The following MBNL1 variants were observed in gnomAD, a reference collection of about 807,000 sequenced individuals.
The protein encoded by MBNL1 is muscleblind-like protein 1.
Under a neutral mutation model 42.2 loss-of-function variants are expected in MBNL1, and 8 were observed. The observed-to-expected ratio is 0.19, with a 90% CI of 0.11 to 0.34. MBNL1 has a LOEUF of 0.34. Ranked by LOEUF, MBNL1 falls within the 10% of genes least tolerant of loss-of-function variation. The pLI, the probability that MBNL1 is intolerant of heterozygous loss-of-function variation, is 1.00. For synonymous variants in MBNL1, 169 were observed against 173.9 expected, an observed-to-expected ratio of 0.97 and a Z score of 0.22; for missense variants, 309 against 495.3, an observed-to-expected ratio of 0.62 and a Z score of 3.57.
intron 2 of MBNL1, among the ~76,000 whole-genome samples, chr3:152,330,035 G>A (rs943111711): frequency 2.6e-5 from 4 of 152,058 alleles, no homozygotes; most frequent in African/African-American, 9.7e-5. Flanking sequence ...ATGTTCATGT[G>A]TGTGTATGTG....
chr3:152,390,140 T>A (rs1326033274), intron 2 of MBNL1, among the ~76,000 whole-genome samples: 1 of 151,610 alleles, frequency 6.6e-6, no homozygotes, highest in African/African-American at 2.4e-5. Flanking sequence ...AGAACTTTTT[T>A]AAATTTATAA....
At chr3:152,310,621 T>C (rs1395233307) in intron 2 of MBNL1, among the ~76,000 whole-genome samples, 1 of 152,252 alleles carries the variant, frequency 6.6e-6, no homozygotes, top group Non-Finnish European at 1.5e-5. Flanking sequence ...TAAAACATGC[T>C]CATTCACATT....
chr3:152,320,293 A>G (rs932542087), intron 2 of MBNL1, among the ~76,000 whole-genome samples: 1 of 152,192 alleles, frequency 6.6e-6, no homozygotes, highest in East Asian at 1.9e-4. Flanking sequence ...TGCGGAGTCC[A>G]GCATCCTTCA....
At chr3:152,266,405 T>G (rs2037232801), upstream of MBNL1, 1 of 152,210 alleles carries the variant, frequency 6.6e-6, no homozygotes, top group Non-Finnish European at 1.5e-5. Flanking sequence ...AGTAGAAATA[T>G]AATTTCCCCT....
chr3:152,444,339 C>A (rs551672814), intron 4 of MBNL1, among the ~76,000 whole-genome samples: 1 of 151,982 alleles, frequency 6.6e-6, no homozygotes, highest in Non-Finnish European at 1.5e-5. Flanking sequence ...CTAAGATCTC[C>A]GTGGCAAAAT....
chr3:152,381,702 A>G (rs2097187540), intron 2 of MBNL1, among the ~76,000 whole-genome samples: 1 of 151,948 alleles, frequency 6.6e-6, no homozygotes, highest in African/African-American at 2.4e-5. Flanking sequence ...TCACATGTTA[A>G]TTTCCACACC....
At chr3:152,430,274 C>G (rs2098989201) in intron 3 of MBNL1, among the ~76,000 whole-genome samples, 1 of 152,140 alleles carries the variant, frequency 6.6e-6, no homozygotes, top group Non-Finnish European at 1.5e-5. Context: ...CTTCCAAAAA[C>G]ATTTTTAAAT....
In MBNL1 at chr3:152,459,284, C is replaced by A; in HGVS notation, c.1106C>A (p.Ser369Tyr). The change falls in exon 9 of 10, where the codon TCT becomes TAT. Residue 369 changes from serine (S) to tyrosine (Y), a missense_variant. Physicochemically the swap from Ser to Tyr is moderately radical, Grantham distance 144 (BLOSUM62 -2). Coordinates refer to ENST00000324210, the MANE Select transcript of MBNL1 (RefSeq NM_021038.5). ...TATANQIPIISAEHLTSHKYV... is the reference protein window; with the variant it reads ...TATANQIPIIYAEHLTSHKYV... The stretch of plus-strand genomic sequence containing the variant: ...TTTATTTGCTAGATACCCATAATAT[C>A]TGCCGAACATCTGACTAGCCACAAG... 1.3e-6 allele frequency: 2 copies of A among 1,585,216 alleles called. No homozygotes were observed. The highest frequency in any genetic ancestry group is 1.7e-6 in the Non-Finnish European group (2 of 1,164,786).
upstream of MBNL1, chr3:152,266,108 A>G (rs569101273): frequency 2.6e-5 from 4 of 152,356 alleles, no homozygotes; most frequent in South Asian, 6.2e-4. Flanking sequence ...GTGATAGTCA[A>G]TTAGGCCAAA....
At chr3:152,363,192 A>C (rs1244060004) in intron 2 of MBNL1, among the ~76,000 whole-genome samples, 1 of 152,144 alleles carries the variant, frequency 6.6e-6, no homozygotes, top group Non-Finnish European at 1.5e-5. Context: ...TTTTATTTTT[A>C]TATGCATGTT....
intron 3 of MBNL1, among the ~76,000 whole-genome samples, chr3:152,426,009 A>G (rs1340755828): frequency 6.6e-6 from 1 of 152,230 alleles, no homozygotes; most frequent in Admixed American, 6.5e-5. Flanking sequence ...ATGGAATACT[A>G]TACAGCCATA....
At chr3:152,285,980 A>G (rs758129528) in intron 1 of MBNL1, among the ~76,000 whole-genome samples, 4 of 151,796 alleles carry the variant, frequency 2.6e-5, no homozygotes, top group African/African-American at 9.7e-5. Context: ...GATTTTATGT[A>G]TAAGCCAGAA....
chr3:152,458,008 G>T, intron 8 of MBNL1: 1 of 711,988 alleles, frequency 1.4e-6, no homozygotes, highest in Non-Finnish European at 2.6e-6. Flanking sequence ...TATGCCTACA[G>T]TACATTAGCA....
chr3:152,355,362 T>G (rs894197587), intron 2 of MBNL1, among the ~76,000 whole-genome samples: 2 of 152,208 alleles, frequency 1.3e-5, no homozygotes, highest in African/African-American at 4.8e-5. Flanking sequence ...GCTTTACAAA[T>G]TTAAACCTGC....
intron 2 of MBNL1, among the ~76,000 whole-genome samples, chr3:152,390,795 G>A (rs1055758260): frequency 6.6e-6 from 1 of 152,140 alleles, no homozygotes; most frequent in Non-Finnish European, 1.5e-5. Flanking sequence ...GCAGGGAGAG[G>A]GTCACAGGGC....
intron 2 of MBNL1, among the ~76,000 whole-genome samples, chr3:152,341,832 A>G (rs1199778294): frequency 6.6e-6 from 1 of 152,164 alleles, no homozygotes. Flanking sequence ...AGATAGTGAC[A>G]TTTTTGGTAC....
At chr3:152,269,337 G>C (rs1002564058) in intron 1 of MBNL1, 67 of 350,756 alleles carry the variant, frequency 1.9e-4, no homozygotes, top group Admixed American at 1.3e-3. Flanking sequence ...ACGCTGTCAC[G>C]GCACAGCCCG....
At chr3:152,352,952 C>T (rs1336438369) in intron 2 of MBNL1, among the ~76,000 whole-genome samples, 6 of 152,246 alleles carry the variant, frequency 3.9e-5, no homozygotes, top group Non-Finnish European at 7.4e-5. Flanking sequence ...TTATGTAGTA[C>T]GTTATGAAAT....
chr3:152,327,461 C>A (rs1240737978), intron 2 of MBNL1, among the ~76,000 whole-genome samples: 1 of 152,128 alleles, frequency 6.6e-6, no homozygotes, highest in Non-Finnish European at 1.5e-5. Flanking sequence ...GATTCTCCTG[C>A]CTCAGCCTCC....
Sources: allele counts gnomAD v4.1 joint callset (sites outside exome capture counted in the v4.1 genomes callset), GRCh38; gene constraint gnomAD v4.1.1; transcripts MANE v1.5; gene names NCBI Gene and HGNC (gene_info 2026-07-23, HGNC 2026-07-21).